The following SPECC1 variants were observed in gnomAD, a reference collection of about 807,000 sequenced individuals.
The protein encoded by SPECC1 is cytospin-B.
Under a neutral mutation model 104.1 loss-of-function variants are expected in SPECC1, and 62 were observed. That is an observed-to-expected ratio of 0.60 (90% CI 0.49 to 0.74). The LOEUF is 0.74. SPECC1 is among the 30% of genes least tolerant of loss of function. The pLI, the probability that SPECC1 is intolerant of heterozygous loss-of-function variation, is 0.00. For missense variants in SPECC1, 1,306 were observed against 1,310.5 expected (o/e 1.00, Z 0.05); for synonymous variants, 513 against 501.6 (o/e 1.02, Z -0.30).
intron 3 of SPECC1, among the ~76,000 whole-genome samples, chr17:20,143,870 T>C (rs1016757426): frequency 6.6e-6 from 1 of 152,120 alleles, no homozygotes; most frequent in East Asian, 1.9e-4. Flanking sequence ...CAGCAGTGAG[T>C]GCCTGATAGG....
intron 3 of SPECC1, among the ~76,000 whole-genome samples, chr17:20,128,755 CT>C (rs1253713062): frequency 6.6e-6 from 1 of 151,696 alleles, no homozygotes; most frequent in African/African-American, 2.4e-5. Context: ...ATTTTTATCA[CT>C]TTGAAATTTG....
At chr17:20,148,360 C>T (rs1047267295) in intron 3 of SPECC1, among the ~76,000 whole-genome samples, 4 of 152,054 alleles carry the variant, frequency 2.6e-5, no homozygotes, top group Non-Finnish European at 5.9e-5. Context: ...CCACCTCAGC[C>T]TCCCGAGTAA....
At chr17:20,255,151 T>TC (rs1296432775) in intron 10 of SPECC1, among the ~76,000 whole-genome samples, 4 of 152,184 alleles carry the variant, frequency 2.6e-5, no homozygotes, top group Non-Finnish European at 5.9e-5. Flanking sequence ...TACGTGGGAC[T>TC]CCAAGTCATG....
At chr17:20,183,378 A>T (rs2035041449) in intron 3 of SPECC1, among the ~76,000 whole-genome samples, 1 of 152,218 alleles carries the variant, frequency 6.6e-6, no homozygotes, top group Admixed American at 6.5e-5. Context: ...ATAAAAGCAC[A>T]AGTACATACT....
At chr17:20,179,977 G>A (rs2151221137) in intron 3 of SPECC1, among the ~76,000 whole-genome samples, 1 of 152,242 alleles carries the variant, frequency 6.6e-6, no homozygotes, top group South Asian at 2.1e-4. Context: ...AGGATTGCAG[G>A]CATTCAGATA....
chr17:20,082,072 C>T (rs906360284), intron 1 of SPECC1, among the ~76,000 whole-genome samples: 5 of 152,220 alleles, frequency 3.3e-5, no homozygotes, highest in East Asian at 1.9e-4. Flanking sequence ...CGCCATCCAC[C>T]GCCACTCTTG....
At chr17:20,299,532 C>T (rs1010845909) in intron 13 of SPECC1, among the ~76,000 whole-genome samples, 1 of 140,026 alleles carries the variant, frequency 7.1e-6, no homozygotes, top group Admixed American at 7.4e-5. Context: ...TGCTCTCCAG[C>T]CTGGGTGACA....
Position 20,195,897 on chromosome 17 carries a change from A to C in SPECC1, c.284-8436A>C, listed in dbSNP as rs575754595. On this transcript the variant is annotated intron_variant, in intron 3 of 14. Coordinates refer to ENST00000395527, the MANE Select transcript of SPECC1 (RefSeq NM_001243439.2). ...CAGGTCATAAGCAGGTTTTTGCTCT[A>C]AGAAACCAATTTTAATTTATAGAAA... is the stretch of plus-strand genomic sequence containing the variant. 2.6e-5 allele frequency among the ~76,000 whole-genome samples: 4 copies of C among 152,354 alleles called. No homozygotes were observed. The South Asian group carries it at 8.3e-4, about 32-fold the overall frequency.
intron 8 of SPECC1, among the ~76,000 whole-genome samples, chr17:20,246,445 G>A (rs1024214724): frequency 6.6e-6 from 1 of 152,140 alleles, no homozygotes; most frequent in Non-Finnish European, 1.5e-5. Context: ...CCTAGGAAAC[G>A]AGACATCACA....
chr17:20,137,864 G>A (rs550517903), intron 3 of SPECC1, among the ~76,000 whole-genome samples: 4 of 151,780 alleles, frequency 2.6e-5, no homozygotes, highest in African/African-American at 9.7e-5. Flanking sequence ...ATGGGTTTTC[G>A]GCATGTTGAC....
At chr17:20,090,935 G>A (rs2047377104) in intron 1 of SPECC1, among the ~76,000 whole-genome samples, 2 of 152,046 alleles carry the variant, frequency 1.3e-5, no homozygotes, top group South Asian at 4.1e-4. Context: ...TTCCTTATGG[G>A]TCTCCAGATT....
At chr17:20,218,847 T>G (rs1053758490) in intron 4 of SPECC1, among the ~76,000 whole-genome samples, 6 of 152,166 alleles carry the variant, frequency 3.9e-5, no homozygotes, top group African/African-American at 1.4e-4. Flanking sequence ...ACTCTCTATC[T>G]TCATGAGTTC....
At chr17:20,116,847 C>T (rs920769997) in intron 3 of SPECC1, among the ~76,000 whole-genome samples, 2 of 113,642 alleles carry the variant, frequency 1.8e-5, no homozygotes, top group East Asian at 2.8e-4. Flanking sequence ...TGTCATGACT[C>T]GGGGCTGCTA....
At chr17:20,241,411 G>A (rs2039196094) in intron 7 of SPECC1, among the ~76,000 whole-genome samples, 2 of 152,098 alleles carry the variant, frequency 1.3e-5, no homozygotes, top group Admixed American at 6.5e-5. Flanking sequence ...AAAACGCCGT[G>A]CATCTCTCTG....
At chr17:20,075,359 A>ATGGG (rs2046718594) in intron 1 of SPECC1, among the ~76,000 whole-genome samples, 1 of 152,094 alleles carries the variant, frequency 6.6e-6, no homozygotes, top group African/African-American at 2.4e-5. Flanking sequence ...GGTCAGAGAG[A>ATGGG]TGGGTGGGCA....
At chr17:20,261,691 G>A (rs967553456) in intron 12 of SPECC1, among the ~76,000 whole-genome samples, 16 of 152,106 alleles carry the variant, frequency 1.1e-4, no homozygotes, top group Admixed American at 7.2e-4. Flanking sequence ...AATTGTTTGC[G>A]TTTAGTTTAA....
chr17:20,274,403 A>G (rs1400551878), intron 12 of SPECC1, among the ~76,000 whole-genome samples: 1 of 151,700 alleles, frequency 6.6e-6, no homozygotes, highest in Non-Finnish European at 1.5e-5. Flanking sequence ...CGTTGTTTTG[A>G]TGAATTTAAT....
At chr17:20,085,973 C>A (rs1291347605) in intron 1 of SPECC1, among the ~76,000 whole-genome samples, 1 of 152,204 alleles carries the variant, frequency 6.6e-6, no homozygotes, top group Non-Finnish European at 1.5e-5. Context: ...TCTGTGTTCC[C>A]CTCTTTTCTT....
chr17:20,299,222 C>T (rs1598164562), intron 13 of SPECC1, among the ~76,000 whole-genome samples: 1 of 151,888 alleles, frequency 6.6e-6, no homozygotes, highest in Admixed American at 6.6e-5. Context: ...CCCACACTAA[C>T]TGGGGTCATT....
Sources: allele counts gnomAD v4.1 joint callset (sites outside exome capture counted in the v4.1 genomes callset), GRCh38; gene constraint gnomAD v4.1.1; transcripts MANE v1.5; gene names NCBI Gene and HGNC (gene_info 2026-07-23, HGNC 2026-07-21).